The following GYPB variants were observed in gnomAD, a reference collection of about 807,000 sequenced individuals.
GYPB encodes the protein glycophorin B (MNS blood group), also known as glycophorin-B.
Under a neutral mutation model 15.3 loss-of-function variants are expected in GYPB, and 13 were observed. That is an observed-to-expected ratio of 0.85 (90% CI 0.55 to 1.35). The LOEUF (loss-of-function observed/expected upper bound fraction) is 1.35. GYPB is among the 40% of genes most tolerant of loss of function. The pLI is 0.00. For synonymous variants in GYPB, 38 were observed against 36.9 expected (o/e 1.03, Z -0.11); for missense variants, 131 against 108.3 (o/e 1.21, Z -0.93).
intron 2 of GYPB, among the ~76,000 whole-genome samples, chr4:144,000,895 G>A (rs562196015): frequency 1.3e-5 from 2 of 151,302 alleles, no homozygotes; most frequent in African/African-American, 2.5e-5. Flanking sequence ...CCGCACCACC[G>A]CACTATTAGG....
At position 143,996,133 on chromosome 4, in the gene GYPB, T is replaced by G. The variant is rs190766069; in HGVS notation, c.*166A>C. 4.7e-4 allele frequency: 683 copies of G among 1,440,756 alleles called. 33 individuals are homozygous for G. The African/African-American group carries it at 7.9e-3, about 17-fold the overall frequency. 89.2% of individuals were successfully genotyped at this position (1,440,756 alleles called of 1,614,324 possible). The stretch of plus-strand genomic sequence containing the variant: ...GTTTGTATTTTGTTTTATTTTTATT[T>G]AGAAGTAGAGAATACAGTAATAGTG... On this transcript the variant is annotated 3_prime_UTR_variant, in exon 5 of 5. Transcript: ENST00000502664.
At chr4:143,996,445 G>T (rs1727315928) in intron 4 of GYPB, 141 bp from the exon 5 acceptor site, 2 of 1,455,862 alleles carry the variant, frequency 1.4e-6, no homozygotes, top group Non-Finnish European at 1.9e-6. Context: ...ACCTAGGGGT[G>T]TTGCCAAGTT....
chr4:144,016,486 C>T (rs1018222579), intron 1 of GYPB, among the ~76,000 whole-genome samples: 7 of 150,190 alleles, frequency 4.7e-5, no homozygotes, highest in African/African-American at 1.5e-4. Flanking sequence ...TCCTTCCTTG[C>T]TTATTCAACC....
chr4:144,005,517 A>G (rs1404664212), intron 1 of GYPB, among the ~76,000 whole-genome samples: 2 of 151,846 alleles, frequency 1.3e-5, no homozygotes, highest in African/African-American at 4.9e-5. Flanking sequence ...TACTTAGATT[A>G]TATCTCTTAC....
At chr4:144,004,393 G>A (rs1459958123) in intron 1 of GYPB, among the ~76,000 whole-genome samples, 4 of 151,972 alleles carry the variant, frequency 2.6e-5, no homozygotes, top group African/African-American at 7.3e-5. Flanking sequence ...AGTGGTAAGA[G>A]GAAGGCACAG....
intron 1 of GYPB, among the ~76,000 whole-genome samples, chr4:144,017,092 C>A (rs1728541264): frequency 6.6e-6 from 1 of 151,020 alleles, no homozygotes; most frequent in Non-Finnish European, 1.5e-5. Flanking sequence ...TGCTCCCACC[C>A]TCCGTGTATC....
chr4:143,996,303 G>T lies in GYPB; in HGVS notation c.272C>A (p.Ala91Glu), dbSNP rs369309353. The part of the protein sequence containing the change: ...ISYSIRRLIK[A>E] ...GGCAGCATGCAGGCCACATCCTCATGCCTGTGATAAAAAGACAAGAAGTTT... is the reference window on the plus strand; with the variant it reads ...GGCAGCATGCAGGCCACATCCTCATTCCTGTGATAAAAAGACAAGAAGTTT... The change falls in exon 5 of 5, where the codon GCA (alanine) becomes GAA (glutamate). Residue 91 changes from alanine (A) to glutamate (E), a missense_variant and splice_region_variant. Coordinates refer to ENST00000502664, the MANE Select transcript of GYPB (RefSeq NM_002100.6). 15 of 1,550,902 alleles carry T rather than the reference G, an allele frequency of 9.7e-6. No individual in the cohort carries two copies. Among genetic ancestry groups the T allele is most frequent in the Non-Finnish European group, 1.2e-5 (14 of 1,147,274 alleles).
At chr4:144,015,165 C>T (rs555392122) in intron 1 of GYPB, among the ~76,000 whole-genome samples, 1 of 151,382 alleles carries the variant, frequency 6.6e-6, no homozygotes, top group African/African-American at 2.5e-5. Flanking sequence ...TATATTAAAA[C>T]TTGTCCTGAT....
downstream of GYPB, chr4:143,995,959 C>G (rs557790958): frequency 3.5e-6 from 1 of 284,914 alleles, no homozygotes; most frequent in South Asian, 8.8e-5. Context: ...TAATGAGAGT[C>G]CAGGCTGAAG....
chr4:144,018,954 C>T (rs1383948716), intron 1 of GYPB, among the ~76,000 whole-genome samples: 1 of 151,384 alleles, frequency 6.6e-6, no homozygotes, highest in Non-Finnish European at 1.5e-5. Context: ...TACATTTATT[C>T]ACAGAGAGCT....
rs780347070 is a variant in GYPB, at chr4:144,008,472, C to T, written c.38-7189G>A. 11 of 455,184 alleles carry T rather than the reference C, an allele frequency of 2.4e-5. 1 individual carries two copies. The highest frequency in any genetic ancestry group is 1.1e-4 in the South Asian group (7 of 64,554). The allele number at this position is 455,184 out of a possible 1,614,324, so 28.2% of individuals were successfully genotyped here. On this transcript the variant is annotated intron_variant, in intron 1 of 4. Coordinates refer to ENST00000502664, the MANE Select transcript of GYPB (RefSeq NM_002100.6). ...GACCTGCAGTGGCAAATCCACATTA[C>T]GGAAGAGAAGATGGTTCTGGTTATT...
rs1036475443 is a variant in GYPB at position 144,001,078 on chromosome 4, T to G, written c.136+107A>C. ...GTAGGCTGTGTCTACTTAGCTCGCA[T>G]TTCTCAGTGTTTGTCAGTTTCTCTG... is the stretch of plus-strand genomic sequence containing the variant. On this transcript the variant is annotated intron_variant, in intron 2 of 4. Transcript: ENST00000502664. The G allele has an allele frequency of 6.3e-6, 10 of 1,580,650 alleles. No individual in the cohort carries two copies. In the African/African-American group the frequency reaches 1.3e-4, roughly 20 times the overall value.
chr4:143,997,645 C>T lies in GYPB; in HGVS notation c.176-11G>A. 6 of 1,384,982 alleles carry T rather than the reference C, an allele frequency of 4.3e-6. No homozygotes were observed. Among genetic ancestry groups the T allele is most frequent in the South Asian group, 2.3e-5 (2 of 86,364 alleles). The allele number at this position is 1,384,982 out of a possible 1,614,324, so 85.8% of individuals were successfully genotyped here. Reference sequence around the variant, plus strand: ...TTATCACTACAGGAGCTAAAGAGAGCAGCAAAATTATGAAAGTCTGAAATA... The same window carrying T: ...TTATCACTACAGGAGCTAAAGAGAGTAGCAAAATTATGAAAGTCTGAAATA... On this transcript the variant is annotated splice_polypyrimidine_tract_variant and intron_variant, in intron 3 of 4. Coordinates refer to ENST00000502664, the MANE Select transcript of GYPB (RefSeq NM_002100.6).
chr4:144,008,172 G>T (rs148852059), intron 1 of GYPB, among the ~76,000 whole-genome samples: 3 of 151,110 alleles, frequency 2.0e-5, no homozygotes, highest in African/African-American at 7.4e-5. Flanking sequence ...TCACACAGCC[G>T]CCAAGTGGCA....
At chr4:143,996,509 T>C (rs529486333) in intron 4 of GYPB, among the ~76,000 whole-genome samples, 5 of 151,224 alleles carry the variant, frequency 3.3e-5, no homozygotes, top group African/African-American at 1.2e-4. Flanking sequence ...CTCACACCTG[T>C]AATCCCAGCA....
rs1354494182 is a variant in GYPB, at chr4:143,997,688, A to T, written c.176-54T>A. On this transcript the variant is annotated intron_variant, in intron 3 of 4. Coordinates refer to ENST00000502664, the MANE Select transcript of GYPB (RefSeq NM_002100.6). ...CTGAAATAAATGACCACATAGCAAT[A>T]GAAAAATAAGACAGATAACATCAGC... The T allele has an allele frequency of 4.5e-6, 4 of 882,784 alleles. No individual in the cohort carries two copies. In the African/African-American group the frequency reaches 5.0e-5, roughly 11 times the overall value. 54.7% of individuals were successfully genotyped at this position (882,784 alleles called of 1,614,324 possible). A position where few individuals can be genotyped will look rare whatever the true frequency, so the allele number is the denominator to read the frequency against.
At chr4:144,014,995 A>T (rs557282112) in intron 1 of GYPB, among the ~76,000 whole-genome samples, 1 of 151,412 alleles carries the variant, frequency 6.6e-6, no homozygotes, top group Non-Finnish European at 1.5e-5. Context: ...AAGAAAGATG[A>T]CATCATTTTT....
At chr4:144,018,845 A>T (rs1728639711) in intron 1 of GYPB, among the ~76,000 whole-genome samples, 1 of 151,226 alleles carries the variant, frequency 6.6e-6, no homozygotes, top group Non-Finnish European at 1.5e-5. Flanking sequence ...GAAATAGGAA[A>T]TTACACCTTT....
intron 1 of GYPB, among the ~76,000 whole-genome samples, chr4:144,016,521 G>A (rs1026575650): frequency 4.0e-5 from 6 of 150,136 alleles, no homozygotes; most frequent in Admixed American, 1.3e-4. Context: ...AATACCAATC[G>A]GGAACTGTGC....
Sources: allele counts gnomAD v4.1 joint callset (sites outside exome capture counted in the v4.1 genomes callset), GRCh38; gene constraint gnomAD v4.1.1; transcripts MANE v1.5; gene names NCBI Gene and HGNC (gene_info 2026-07-23, HGNC 2026-07-21).